SENP7: variants seen among roughly 807,000 people sequenced by gnomAD.
The protein encoded by SENP7 is SUMO specific peptidase 7.
Under a neutral mutation model 141.2 loss-of-function variants are expected in SENP7, and 64 were observed. The ratio of observed to expected loss-of-function variants is 0.45; its 90% CI spans 0.37 to 0.56. SENP7 has a LOEUF of 0.56. Among genes scored for constraint, SENP7 ranks in the 20% least tolerant of loss-of-function variants. SENP7 has a pLI of 0.00. For synonymous variants in SENP7, 382 were observed against 426.4 expected (o/e 0.90, Z 1.28); for missense variants, 1,025 against 1,212.2 (o/e 0.85, Z 2.29).
intron 3 of SENP7, among the ~76,000 whole-genome samples, chr3:101,463,366 T>TATATATATATAC (rs2063620003): frequency 1.6e-5 from 1 of 62,364 alleles, no homozygotes; most frequent in Non-Finnish European, 3.1e-5. Context: ...AATAAATAAA[T>TATATATATATAC]ATATATATAT....
At chr3:101,330,117 T>C (rs1453762463) in intron 20 of SENP7, among the ~76,000 whole-genome samples, 3 of 152,140 alleles carry the variant, frequency 2.0e-5, no homozygotes, top group African/African-American at 7.2e-5. Context: ...TCAGATAAAC[T>C]ACTAAATAAC....
At chr3:101,340,249 G>A (rs1261885105) in intron 15 of SENP7, 38 bp from the exon 16 acceptor site, 1 of 1,539,248 alleles carries the variant, frequency 6.5e-7, no homozygotes, top group Non-Finnish European at 8.7e-7. Context: ...TACTGATATT[G>A]AAAATCCTAT....
intron 4 of SENP7, among the ~76,000 whole-genome samples, chr3:101,421,083 T>G (rs2061778159): frequency 1.3e-5 from 2 of 152,176 alleles, no homozygotes; most frequent in African/African-American, 4.8e-5. Context: ...GAAATTACTG[T>G]TAATTTTCTT....
chr3:101,384,001 C>T (rs541139085), intron 6 of SENP7, among the ~76,000 whole-genome samples: 3 of 152,228 alleles, frequency 2.0e-5, no homozygotes, highest in South Asian at 2.1e-4. Context: ...GCACTTCCTA[C>T]CCTCCAAAGG....
intron 4 of SENP7, among the ~76,000 whole-genome samples, chr3:101,425,597 C>T (rs1417578861): frequency 6.6e-6 from 1 of 152,156 alleles, no homozygotes; most frequent in Non-Finnish European, 1.5e-5. Context: ...CTCAAAAAGC[C>T]CGAGTGCCTT....
In SENP7 at chr3:101,364,858, T is replaced by C. The variant is rs746416931; in HGVS notation, c.1452A>G (p.Pro484=). ...CCTGTACAGATTCACATGTAATCAATGGTAGTTCTAACAATGCTGATTCAG... is the reference window on the plus strand; with the variant it reads ...CCTGTACAGATTCACATGTAATCAACGGTAGTTCTAACAATGCTGATTCAG... ...STSESALLEL[P]LITCESVQMS... The change falls in exon 10 of 24, where the codon CCA becomes CCG. Residue 484 remains proline (P), a synonymous_variant. Coordinates refer to ENST00000394095, the MANE Select transcript of SENP7 (RefSeq NM_020654.5). 2 of 1,598,972 alleles carry C rather than the reference T, an allele frequency of 1.3e-6. No individual in the cohort carries two copies. Among genetic ancestry groups the C allele is most frequent in the Non-Finnish European group, 1.7e-6 (2 of 1,172,350 alleles).
chr3:101,357,632 G>T, intron 11 of SENP7: 1 of 815,648 alleles, frequency 1.2e-6, no homozygotes, highest in East Asian at 2.5e-5. Flanking sequence ...GCACAAAAGC[G>T]GTTATAATGG....
intron 3 of SENP7, among the ~76,000 whole-genome samples, chr3:101,481,609 G>A (rs920479971): frequency 3.8e-4 from 58 of 152,180 alleles, no homozygotes; most frequent in African/African-American, 1.3e-3. Flanking sequence ...TAACATCAAT[G>A]TATTGTATAT....
At chr3:101,435,607 T>C (rs1167718468) in intron 4 of SENP7, among the ~76,000 whole-genome samples, 7 of 151,848 alleles carry the variant, frequency 4.6e-5, no homozygotes, top group East Asian at 1.9e-4. Flanking sequence ...AAAATCAACA[T>C]ACAAAAGTCA....
At chr3:101,453,387 A>T (rs1458758177) in intron 4 of SENP7, among the ~76,000 whole-genome samples, 1 of 152,220 alleles carries the variant, frequency 6.6e-6, no homozygotes, top group African/African-American at 2.4e-5. Flanking sequence ...AAGGATTATA[A>T]ATCATGCTGC....
At chr3:101,355,416 G>A (rs2059714172) in intron 11 of SENP7, among the ~76,000 whole-genome samples, 1 of 152,122 alleles carries the variant, frequency 6.6e-6, no homozygotes, top group Admixed American at 6.5e-5. Flanking sequence ...TCCAGCTTCA[G>A]TCTTCTGCAT....
chr3:101,512,896 G>A (rs2065919371), intron 1 of SENP7, among the ~76,000 whole-genome samples, 195 bp downstream of exon 1: 1 of 152,050 alleles, frequency 6.6e-6, no homozygotes, highest in Non-Finnish European at 1.5e-5. Context: ...CCGAGGCTTC[G>A]ATGACAGCTC....
intron 3 of SENP7, among the ~76,000 whole-genome samples, chr3:101,477,193 G>T (rs1445299946): frequency 6.6e-6 from 1 of 151,942 alleles, no homozygotes; most frequent in Non-Finnish European, 1.5e-5. Context: ...GCCCTGAATG[G>T]TATTACCTAA....
In SENP7 at chr3:101,328,915, T is replaced by C. The variant is rs113972718; in HGVS notation, c.2752-226A>G. ...CTCAAGCAGTTAAGGAGTTTTAACT[T>C]TTCCTAAAAAGCAATCTGGAACTTT... On this transcript the variant is annotated intron_variant, in intron 20 of 23. Coordinates refer to ENST00000394095, the MANE Select transcript of SENP7 (RefSeq NM_020654.5). Among the ~76,000 whole-genome samples, 1,032 of 152,294 alleles carry C rather than the reference T, an allele frequency of 6.8e-3. 8 individuals are homozygous for C. Among genetic ancestry groups the C allele is most frequent in the African/African-American group, 0.024 (986 of 41,562 alleles).
chr3:101,373,062 G>A (rs2060224871), intron 6 of SENP7, among the ~76,000 whole-genome samples: 1 of 151,826 alleles, frequency 6.6e-6, no homozygotes, highest in Non-Finnish European at 1.5e-5. Context: ...GAATTATTTG[G>A]AAGGCTAAAA....
rs780541357 is a variant in SENP7, at chr3:101,417,774, A to G, written c.301T>C (p.Leu101=). The G allele has an allele frequency of 6.2e-7, 1 of 1,613,810 alleles. No individual in the cohort carries two copies. Among genetic ancestry groups the G allele is most frequent in the East Asian group, 2.2e-5 (1 of 44,856 alleles). The change falls in exon 5 of 24, where the codon TTG becomes CTG. Residue 101 remains leucine (L), a synonymous_variant. Transcript: ENST00000394095. Reference sequence around the variant, plus strand: ...AAATCCGTCCATAGGACATTCGTCAACATAACTTTGAGTTGCCTGTTATAC... The same window carrying G: ...AAATCCGTCCATAGGACATTCGTCAGCATAACTTTGAGTTGCCTGTTATAC... ...SSPERQLKVM[L]TNVLWTDLGR...
chr3:101,478,772 T>C (rs1399416726), intron 3 of SENP7, among the ~76,000 whole-genome samples: 2 of 152,118 alleles, frequency 1.3e-5, no homozygotes, highest in Non-Finnish European at 2.9e-5. Flanking sequence ...ATATCCCTTA[T>C]GAAAACAGAC....
intron 4 of SENP7, among the ~76,000 whole-genome samples, chr3:101,441,930 A>C (rs748615078): frequency 3.3e-5 from 5 of 152,246 alleles, no homozygotes; most frequent in Non-Finnish European, 5.9e-5. Context: ...AGGACCTTGC[A>C]GACACCAATA....
intron 4 of SENP7, among the ~76,000 whole-genome samples, chr3:101,453,633 G>A (rs976112115): frequency 4.6e-5 from 7 of 151,804 alleles, no homozygotes; most frequent in Non-Finnish European, 1.0e-4. Context: ...ACTAAACACC[G>A]CATGTTCTCA....
Sources: gnomAD v4.1 joint callset for allele counts (sites outside exome capture counted in the v4.1 genomes callset) on GRCh38, gnomAD v4.1.1 for gene constraint, MANE v1.5 for transcripts, NCBI Gene and HGNC (gene_info 2026-07-23, HGNC 2026-07-21) for gene names.